The following CAMTA1 variants were observed in gnomAD, a reference collection of about 807,000 sequenced individuals.
CAMTA1 encodes calmodulin binding transcription activator 1, also known as calmodulin-binding transcription activator 1.
Under a neutral mutation model 170.9 loss-of-function variants are expected in CAMTA1, and 27 were observed. That is an observed-to-expected ratio of 0.16 (90% CI 0.12 to 0.22). The LOEUF (loss-of-function observed/expected upper bound fraction) is 0.22. Among genes scored for constraint, CAMTA1 ranks in the 10% least tolerant of loss-of-function variants. The pLI is 1.00. For missense variants in CAMTA1, 1,619 were observed against 2,217.2 expected (o/e 0.73, Z 5.42); for synonymous variants, 833 against 891.5 (o/e 0.93, Z 1.17).
At chr1:6,902,074 A>ACACAC (rs1553180447) in intron 3 of CAMTA1, among the ~76,000 whole-genome samples, 2,865 of 75,534 alleles carry the variant, frequency 0.038, 44 homozygotes, top group African/African-American at 0.069. Flanking sequence ...CACACACACA[A>ACACAC]AAAAAAAAAT....
At chr1:7,418,325 A>AG (rs2091335993) in intron 5 of CAMTA1, among the ~76,000 whole-genome samples, 1 of 152,084 alleles carries the variant, frequency 6.6e-6, no homozygotes, top group African/African-American at 2.4e-5. Flanking sequence ...CCTCCCAAAT[A>AG]GCTGGGATTA....
intron 5 of CAMTA1, among the ~76,000 whole-genome samples, chr1:7,436,052 T>C (rs548738470): frequency 1.3e-5 from 2 of 152,290 alleles, no homozygotes; most frequent in African/African-American, 4.8e-5. Context: ...TCTTAGAACA[T>C]TATTTATCAG....
chr1:7,597,466 C>T (rs1384821921), intron 6 of CAMTA1, among the ~76,000 whole-genome samples: 1 of 152,206 alleles, frequency 6.6e-6, no homozygotes, highest in Non-Finnish European at 1.5e-5. Context: ...CTGAACTTCG[C>T]AACCCCTGAG....
At chr1:7,591,069 A>G (rs2095351859) in intron 6 of CAMTA1, among the ~76,000 whole-genome samples, 4 of 152,144 alleles carry the variant, frequency 2.6e-5, no homozygotes, top group Admixed American at 2.6e-4. Flanking sequence ...CATTTCCCCC[A>G]TAATGGGAAG....
chr1:7,415,956 C>A (rs1482061066), intron 5 of CAMTA1, among the ~76,000 whole-genome samples: 4 of 151,896 alleles, frequency 2.6e-5, no homozygotes, highest in Non-Finnish European at 4.4e-5. Context: ...GCAGGCCTGG[C>A]GGTGACAAAA....
intron 5 of CAMTA1, among the ~76,000 whole-genome samples, chr1:7,315,088 T>G (rs1447364350): frequency 1.3e-5 from 2 of 152,194 alleles, no homozygotes; most frequent in East Asian, 3.9e-4. Flanking sequence ...AAAGAGTGAA[T>G]GAGAACATGT....
chr1:7,043,762 C>T (rs774024747), intron 3 of CAMTA1, among the ~76,000 whole-genome samples: 7 of 152,128 alleles, frequency 4.6e-5, no homozygotes, highest in Non-Finnish European at 8.8e-5. Flanking sequence ...ACATTAGGGC[C>T]TTGGGGGTGC....
At chr1:7,346,420 C>G (rs929666744) in intron 5 of CAMTA1, among the ~76,000 whole-genome samples, 6 of 152,090 alleles carry the variant, frequency 3.9e-5, no homozygotes, top group African/African-American at 1.4e-4. Context: ...CTGCTGAGGA[C>G]GGGGGAACTA....
chr1:6,907,049 T>C (rs184818775), intron 3 of CAMTA1, among the ~76,000 whole-genome samples: 1 of 152,296 alleles, frequency 6.6e-6, no homozygotes, highest in East Asian at 1.9e-4. Context: ...TTGAGATCCA[T>C]CTTCGGGATA....
rs143574309 is a variant in CAMTA1 at position 7,565,538 on chromosome 1, C to T, written c.511-74862C>T. Among the ~76,000 whole-genome samples, 932 of 152,254 alleles carry T rather than the reference C, an allele frequency of 6.1e-3. 10 individuals are homozygous for T. The highest frequency in any genetic ancestry group is 0.021 in the African/African-American group (893 of 41,548). Reference sequence around the variant, plus strand: ...GCAGAGAGCCTGGCTCTAGGCTGTCCGGAACAGCAGGACGGGGCTGGCAGA... The same window carrying T: ...GCAGAGAGCCTGGCTCTAGGCTGTCTGGAACAGCAGGACGGGGCTGGCAGA... On this transcript the variant is annotated intron_variant, in intron 6 of 22. Transcript: ENST00000303635. The surrounding 1 kb of genome is among the most constrained non-coding windows in gnomAD (Gnocchi z 4.5).
Position 7,139,033 on chromosome 1 carries a change from TTATATTTATAAATA to T in CAMTA1, c.302+47673_302+47686del, listed in dbSNP as rs1471447354. Among the ~76,000 whole-genome samples, 3 of 144,756 alleles carry T rather than the reference TTATATTTATAAATA, an allele frequency of 2.1e-5. No individual in the cohort carries two copies. In the East Asian group the frequency reaches 5.9e-4, roughly 28 times the overall value. The allele number at this position is 144,756 out of a possible 152,430, so 95.0% of individuals were successfully genotyped here. A position where few individuals can be genotyped will look rare whatever the true frequency, so the allele number is the denominator to read the frequency against. ...TATATATATATAATTTTATATAAATTTATATTTATAAATATATATTTATATTTATTATTTGTTTA... is the reference window on the plus strand; with the variant it reads ...TATATATATATAATTTTATATAAATTTATATTTATATTTATTATTTGTTTA... On this transcript the variant is annotated intron_variant, in intron 4 of 22. Coordinates refer to ENST00000303635, the MANE Select transcript of CAMTA1 (RefSeq NM_015215.4).
At chr1:7,247,472 A>T (rs61343093) in intron 4 of CAMTA1, among the ~76,000 whole-genome samples, 3,734 of 152,296 alleles carry the variant, frequency 0.025, 141 homozygotes, top group East Asian at 0.11. Context: ...GTCTTAGCTC[A>T]CAAGAGGCTA....
At chr1:7,279,018 G>A (rs1671129352) in intron 5 of CAMTA1, among the ~76,000 whole-genome samples, 1 of 152,146 alleles carries the variant, frequency 6.6e-6, no homozygotes. Flanking sequence ...GCATTTGGTG[G>A]GGGAAAGGGA....
At chr1:7,362,217 G>A (rs1159226077) in intron 5 of CAMTA1, among the ~76,000 whole-genome samples, 3 of 152,246 alleles carry the variant, frequency 2.0e-5, no homozygotes, top group Non-Finnish European at 4.4e-5. Flanking sequence ...TGGTGGGCCT[G>A]GGTAGAATTG....
intron 4 of CAMTA1, among the ~76,000 whole-genome samples, chr1:7,211,023 AT>A (rs1014567418): frequency 4.6e-5 from 7 of 152,132 alleles, no homozygotes; most frequent in African/African-American, 1.7e-4. Flanking sequence ...ACGTTAACAG[AT>A]TTTTTTCAGT....
intron 5 of CAMTA1, among the ~76,000 whole-genome samples, chr1:7,347,307 G>C (rs556569443): frequency 8.4e-4 from 128 of 152,310 alleles, no homozygotes; most frequent in African/African-American, 2.6e-3. Context: ...TCAAAGGAGA[G>C]CCAAGCTCCG....
chr1:6,910,059 C>G (rs187547791), intron 3 of CAMTA1, among the ~76,000 whole-genome samples: 1 of 152,224 alleles, frequency 6.6e-6, no homozygotes, highest in Non-Finnish European at 1.5e-5. Flanking sequence ...TTGCAGCAAT[C>G]CTTGTTTGCT....
In CAMTA1 at chr1:7,732,500, G is replaced by T; in HGVS notation, c.2967G>T (p.Arg989Ser). Residue 989 changes from arginine to serine, a missense_variant, in exon 12 of 23, where the codon AGG (arginine) becomes AGT (serine). Around this residue, in one of 8 missense-constraint regions of CAMTA1, gnomAD observed 143 missense variants for 184.2 expected, o/e 0.78. Coordinates refer to ENST00000303635, the MANE Select transcript of CAMTA1 (RefSeq NM_015215.4). This position sits in a 1 kb window ranked among gnomAD's most constrained non-coding sequence, Gnocchi z 4.1. ...ILERLEQMER[R>S]MAEMTGSQQH... ...AACGACTGGAGCAGATGGAGAGGAGGATGGCCGAGATGACGGGGTCCCAGC... is the reference window on the plus strand; with the variant it reads ...AACGACTGGAGCAGATGGAGAGGAGTATGGCCGAGATGACGGGGTCCCAGC... 1 of 1,614,020 alleles carries T rather than the reference G, an allele frequency of 6.2e-7. No homozygotes were observed. Among genetic ancestry groups the T allele is most frequent in the Non-Finnish European group, 8.5e-7 (1 of 1,180,022 alleles).
rs1442777043 is a variant in CAMTA1, at chr1:7,293,467, G to A, written c.438+43841G>A. 6.6e-6 allele frequency among the ~76,000 whole-genome samples: 1 copy of A among 152,212 alleles called. No homozygotes were observed. The highest frequency in any genetic ancestry group is 1.5e-5 in the Non-Finnish European group (1 of 68,038). On this transcript the variant is annotated intron_variant, in intron 5 of 22. Transcript: ENST00000303635. This position sits in a 1 kb window ranked among gnomAD's most constrained non-coding sequence, Gnocchi z 4.1. ...AGCCGATTTATAGAGTACATGGGGT[G>A]TTGTGGGGCAGAGGCCCGGATGGCT...
Sources: gnomAD v4.1 joint callset for allele counts (sites outside exome capture counted in the v4.1 genomes callset) on GRCh38, gnomAD v4.1.1 for gene constraint, gnomAD v4.1.1 regional missense constraint, Gnocchi (gnomAD v3.1) non-coding constraint, MANE v1.5 for transcripts, NCBI Gene and HGNC (gene_info 2026-07-23, HGNC 2026-07-21) for gene names.